Variants in ATAD1 observed in about 807,000 individuals in gnomAD.
ATAD1 encodes ATPase family AAA domain containing 1.
ATAD1 carries 18 observed loss-of-function variants against 42.7 expected under a neutral mutation model. The ratio of observed to expected loss-of-function variants is 0.42; its 90% CI spans 0.29 to 0.63. ATAD1 has a LOEUF of 0.63. Among genes scored for constraint, ATAD1 ranks in the 20% least tolerant of loss-of-function variants. The pLI is 0.19. For missense variants in ATAD1, 294 were observed against 440.4 expected, an observed-to-expected ratio of 0.67 and a Z score of 2.98; for synonymous variants, 132 against 143.1, an observed-to-expected ratio of 0.92 and a Z score of 0.55.
At chr10:87,792,106 A>C (rs2131935868) in intron 3 of ATAD1, among the ~76,000 whole-genome samples, 1 of 152,370 alleles carries the variant, frequency 6.6e-6, no homozygotes, top group African/African-American at 2.4e-5. Flanking sequence ...TGTTGTCCTT[A>C]GAAAGGCATA....
chr10:87,786,007 C>T (rs1855816237), intron 4 of ATAD1, among the ~76,000 whole-genome samples: 1 of 152,112 alleles, frequency 6.6e-6, no homozygotes, highest in African/African-American at 2.4e-5. Flanking sequence ...TAATTAAGTT[C>T]ACTTAGGTGC....
At chr10:87,785,291 G>A (rs1855772815) in intron 4 of ATAD1, among the ~76,000 whole-genome samples, 1 of 151,708 alleles carries the variant, frequency 6.6e-6, no homozygotes, top group African/African-American at 2.4e-5. Context: ...TCTAGAGGTT[G>A]GGATCTTGAA....
At chr10:87,807,499 GT>G (rs1188405871) in intron 2 of ATAD1, among the ~76,000 whole-genome samples, 4 of 152,098 alleles carry the variant, frequency 2.6e-5, no homozygotes, top group Non-Finnish European at 5.9e-5. Flanking sequence ...GGGTGAAAAG[GT>G]ATATCAATTT....
intron 1 of ATAD1, chr10:87,817,916 G>A (rs938350661): frequency 5.1e-6 from 5 of 985,646 alleles, no homozygotes; most frequent in African/African-American, 1.7e-5. Context: ...CACGAGTCTT[G>A]GGGAAGAGCT....
intron 5 of ATAD1, among the ~76,000 whole-genome samples, chr10:87,783,094 AATAGGC>A (rs1855646690): frequency 6.6e-6 from 1 of 152,190 alleles, no homozygotes; most frequent in South Asian, 2.1e-4. Flanking sequence ...CAATATAGCT[AATAGGC>A]CAGGTGTGGT....
intron 2 of ATAD1, among the ~76,000 whole-genome samples, chr10:87,802,811 G>A (rs1306235192): frequency 1.3e-5 from 2 of 152,166 alleles, no homozygotes; most frequent in African/African-American, 4.8e-5. Context: ...TATACCTATT[G>A]TTAGATTCTA....
intron 1 of ATAD1, among the ~76,000 whole-genome samples, chr10:87,827,651 A>G (rs1857753579): frequency 6.6e-6 from 1 of 152,220 alleles, no homozygotes; most frequent in African/African-American, 2.4e-5. Flanking sequence ...AGTGAAATTA[A>G]TAAATGTTGT....
chr10:87,756,359 G>T (rs1163918259), intron 9 of ATAD1, among the ~76,000 whole-genome samples: 1 of 152,168 alleles, frequency 6.6e-6, no homozygotes, highest in African/African-American at 2.4e-5. Context: ...CTGAAATAAG[G>T]CTGTTAAAAA....
intron 1 of ATAD1, among the ~76,000 whole-genome samples, chr10:87,830,925 C>T (rs759851537): frequency 3.3e-5 from 5 of 152,148 alleles, no homozygotes; most frequent in Non-Finnish European, 5.9e-5. Flanking sequence ...CACAGACTCT[C>T]AGGATTAAAA....
In ATAD1 at chr10:87,810,969, A is replaced by G. The variant is rs867285964; in HGVS notation, c.162+3469T>C. On this transcript the variant is annotated intron_variant, in intron 2 of 9. Coordinates refer to ENST00000680024, the MANE Select transcript of ATAD1 (RefSeq NM_001321967.2). Reference sequence around the variant, plus strand: ...AAAGGCTGGCAATCAAGCTCACCTTAGCTTTCTGAAATTTTTGCCTTAAGT... The same window carrying G: ...AAAGGCTGGCAATCAAGCTCACCTTGGCTTTCTGAAATTTTTGCCTTAAGT... Among the ~76,000 whole-genome samples the G allele has an allele frequency of 2.0e-5, 3 of 152,308 alleles. No individual in the cohort carries two copies. The South Asian group carries it at 6.2e-4, about 32-fold the overall frequency.
At position 87,752,126 on chromosome 10, in the gene ATAD1, TA is replaced by T. The variant is rs1406291713; in HGVS notation, c.*2560del. 2 of 152,118 alleles carry T rather than the reference TA, an allele frequency of 1.3e-5. No individual in the cohort carries two copies. The highest frequency in any genetic ancestry group is 2.9e-5 in the Non-Finnish European group (2 of 68,016). 9.4% of individuals were successfully genotyped at this position (152,118 alleles called of 1,614,324 possible). A position where few individuals can be genotyped will look rare whatever the true frequency, so the allele number is the denominator to read the frequency against. On this transcript the variant is annotated 3_prime_UTR_variant, in exon 10 of 10. Transcript: ENST00000680024. ...CTGCAGGTAGGGGGTTGGCTGAGAT[TA>T]AAAGGAGAAACATAGTAAAGGAGAT...
intron 7 of ATAD1, among the ~76,000 whole-genome samples, chr10:87,769,679 T>C (rs943381894): frequency 1.2e-4 from 18 of 152,214 alleles, no homozygotes; most frequent in African/African-American, 4.1e-4. Flanking sequence ...CTGGGTGCAG[T>C]GACTCATGCC....
At position 87,814,604 on chromosome 10, in the gene ATAD1, A is replaced by G. The variant is rs1251602684; in HGVS notation, c.-5T>C. 8.8e-6 allele frequency: 14 copies of G among 1,592,958 alleles called. No individual in the cohort carries two copies. The highest frequency in any genetic ancestry group is 1.2e-5 in the Non-Finnish European group (14 of 1,171,506). On this transcript the variant is annotated 5_prime_UTR_variant, in exon 2 of 10. Coordinates refer to ENST00000680024, the MANE Select transcript of ATAD1 (RefSeq NM_001321967.2). ...AAAGGCTTCAGCATGTACCATCTTGAATGTTAACCTTAAAAAAACAAACAG... is the reference window on the plus strand; with the variant it reads ...AAAGGCTTCAGCATGTACCATCTTGGATGTTAACCTTAAAAAAACAAACAG...
intron 4 of ATAD1, among the ~76,000 whole-genome samples, chr10:87,786,101 A>G (rs1418430212): frequency 6.6e-6 from 1 of 152,238 alleles, no homozygotes; most frequent in African/African-American, 2.4e-5. Flanking sequence ...AATAAAGAAT[A>G]GTAATCTAAA....
At position 87,754,324 on chromosome 10, in the gene ATAD1, G is replaced by A. The variant is rs181766805; in HGVS notation, c.*363C>T. 1.7e-3 allele frequency: 271 copies of A among 159,934 alleles called. No individual in the cohort carries two copies. Among genetic ancestry groups the A allele is most frequent in the African/African-American group, 6.2e-3 (258 of 41,680 alleles). 9.9% of individuals were successfully genotyped at this position (159,934 alleles called of 1,614,324 possible). ...CATACATACACGCACACACACAAAC[G>A]CATACTCACATGTCTAGGAACCAGC... On this transcript the variant is annotated 3_prime_UTR_variant, in exon 10 of 10. Transcript: ENST00000680024.
chr10:87,789,304 A>T (rs1203094743), intron 4 of ATAD1, among the ~76,000 whole-genome samples: 1 of 152,240 alleles, frequency 6.6e-6, no homozygotes, highest in East Asian at 1.9e-4. Context: ...TTTCTGCTAG[A>T]TGAAAATAAG....
At chr10:87,759,080 G>C (rs780033863) in intron 8 of ATAD1, among the ~76,000 whole-genome samples, 23 of 152,034 alleles carry the variant, frequency 1.5e-4, no homozygotes, top group Non-Finnish European at 2.2e-4. Context: ...TCTGATTATA[G>C]TCAGACTTCT....
chr10:87,790,245 T>A, intron 4 of ATAD1, 65 bp downstream of exon 4: 1 of 1,567,798 alleles, frequency 6.4e-7, no homozygotes, highest in Non-Finnish European at 8.6e-7. Flanking sequence ...AGTTCTACAA[T>A]GGCAGAAAGT....
At chr10:87,823,267 G>A (rs112479876) in intron 1 of ATAD1, among the ~76,000 whole-genome samples, 2 of 151,962 alleles carry the variant, frequency 1.3e-5, no homozygotes, top group Non-Finnish European at 2.9e-5. Context: ...GCATTTCTAC[G>A]TAACCTTTTT....
Sources: gnomAD v4.1 joint callset for allele counts (sites outside exome capture counted in the v4.1 genomes callset) on GRCh38, gnomAD v4.1.1 for gene constraint, MANE v1.5 for transcripts, NCBI Gene and HGNC (gene_info 2026-07-23, HGNC 2026-07-21) for gene names.